The following PAH variants were observed in gnomAD, a reference collection of about 807,000 sequenced individuals.
PAH encodes phenylalanine hydroxylase, also known as phenylalanine-4-hydroxylase.
A neutral mutation model predicts 62.0 loss-of-function variants in PAH; 64 were observed. The ratio of observed to expected loss-of-function variants is 1.03; its 90% confidence interval spans 0.84 to 1.27. The LOEUF (loss-of-function observed/expected upper bound fraction) is 1.27. Among genes scored for constraint, PAH ranks in the 50% most tolerant of loss-of-function variants. The probability of loss-of-function intolerance (pLI) is 0.00; values close to 1 mark genes in which losing one functional copy is unlikely to be tolerated. For synonymous variants in PAH, 195 were observed against 196.2 expected, an observed-to-expected ratio of 0.99 and a Z score of 0.05; for missense variants, 579 against 542.8, an observed-to-expected ratio of 1.07 and a Z score of -0.66.
chr12:102,929,010 A>G (rs569680610), intron 1 of PAH, among the ~76,000 whole-genome samples: 2 of 152,314 alleles, frequency 1.3e-5, no homozygotes, highest in East Asian at 3.9e-4. Context: ...TCTCATGGTA[A>G]TAAATGAGTT....
At chr12:102,937,540 A>G (rs1234704852) in intron 1 of PAH, among the ~76,000 whole-genome samples, 10 of 152,188 alleles carry the variant, frequency 6.6e-5, no homozygotes, top group Non-Finnish European at 1.5e-4. Flanking sequence ...AGAGAAAACT[A>G]ATTTTAAAAC....
intron 5 of PAH, among the ~76,000 whole-genome samples, chr12:102,858,965 A>C (rs1875578759): frequency 6.6e-6 from 1 of 152,204 alleles, no homozygotes; most frequent in Admixed American, 6.5e-5. Flanking sequence ...GCAAGAAATA[A>C]CTGAGATCAG....
intron 2 of PAH, among the ~76,000 whole-genome samples, chr12:102,900,533 A>G (rs1036242740): frequency 1.3e-5 from 2 of 152,244 alleles, no homozygotes; most frequent in Admixed American, 1.3e-4. Context: ...TTACTTGGCA[A>G]AAGTCTTATA....
intron 5 of PAH, among the ~76,000 whole-genome samples, chr12:102,864,671 T>C (rs1223400451): frequency 6.6e-6 from 1 of 152,136 alleles, no homozygotes; most frequent in African/African-American, 2.4e-5. Flanking sequence ...GTTGGAGATA[T>C]ACACCTCAGT....
At chr12:102,949,461 G>A (rs1279626808) in intron 1 of PAH, among the ~76,000 whole-genome samples, 1 of 152,186 alleles carries the variant, frequency 6.6e-6, no homozygotes, top group Admixed American at 6.5e-5. Context: ...TCAGAGGGGA[G>A]GCATCTTACT....
upstream of PAH, among the ~76,000 whole-genome samples, chr12:102,920,378 G>A (rs1186152684): frequency 6.6e-6 from 1 of 152,186 alleles, no homozygotes; most frequent in Non-Finnish European, 1.5e-5. Flanking sequence ...GACCACTGAG[G>A]TATTTTTTAA....
At chr12:102,922,736 G>A (rs1032066282) in intron 1 of PAH, among the ~76,000 whole-genome samples, 8 of 152,200 alleles carry the variant, frequency 5.3e-5, no homozygotes, top group Non-Finnish European at 1.0e-4. Flanking sequence ...TGTGTAAGAA[G>A]ATAGCTATGT....
chr12:102,856,695 C>A (rs979384012), intron 5 of PAH, among the ~76,000 whole-genome samples: 10 of 152,236 alleles, frequency 6.6e-5, no homozygotes, highest in African/African-American at 2.4e-4. Flanking sequence ...TGTTCTGCAG[C>A]CTCCGCTGCT....
intron 1 of PAH, chr12:102,950,366 T>A (rs1593007847): frequency 6.6e-6 from 1 of 152,384 alleles, no homozygotes; most frequent in East Asian, 1.9e-4. Context: ...GCGCTCAGGC[T>A]GCGGCTGCTT....
At chr12:102,842,441 A>G (rs1280833742) in intron 11 of PAH, among the ~76,000 whole-genome samples, 1 of 152,210 alleles carries the variant, frequency 6.6e-6, no homozygotes, top group East Asian at 1.9e-4. Flanking sequence ...ACATAAATTA[A>G]GGAATATCCA....
intron 1 of PAH, among the ~76,000 whole-genome samples, chr12:102,947,775 A>C (rs1879562230): frequency 6.6e-6 from 1 of 152,214 alleles, no homozygotes; most frequent in Non-Finnish European, 1.5e-5. Flanking sequence ...ACCAGTAAGA[A>C]ATTAGATGTA....
chr12:102,952,903 C>A (rs149654063), upstream of PAH, among the ~76,000 whole-genome samples: 32 of 152,314 alleles, frequency 2.1e-4, no homozygotes, highest in African/African-American at 6.7e-4. Flanking sequence ...CTATTCTGCC[C>A]CCTGAGCAGG....
At chr12:102,875,936 TATAC>T (rs1876543303) in intron 4 of PAH, among the ~76,000 whole-genome samples, 5 of 62,346 alleles carry the variant, frequency 8.0e-5, no homozygotes, top group African/African-American at 2.8e-4. Flanking sequence ...CATATATATA[TATAC>T]ATATATATAT....
At chr12:102,846,793 T>C (rs1338627349) in intron 9 of PAH, 102 bp downstream of exon 9, 14 of 904,822 alleles carry the variant, frequency 1.5e-5, no homozygotes, top group East Asian at 2.4e-5. Context: ...CTGATTTTTT[T>C]CCCCAGATAA....
At chr12:102,842,875 C>A (rs1445405977) in intron 11 of PAH, among the ~76,000 whole-genome samples, 1 of 152,164 alleles carries the variant, frequency 6.6e-6, no homozygotes, top group Non-Finnish European at 1.5e-5. Context: ...TCATCCATCA[C>A]TGATAAGATT....
At chr12:102,858,135 A>G (rs1053536173) in intron 5 of PAH, among the ~76,000 whole-genome samples, 5 of 152,234 alleles carry the variant, frequency 3.3e-5, no homozygotes, top group African/African-American at 4.8e-5. Context: ...AGGAAGATCT[A>G]TCAAGCAAAT....
rs1319839370 is a variant in PAH, at chr12:102,844,863, T to C, written c.970-432A>G. Among the ~76,000 whole-genome samples, 11 of 152,152 alleles carry C rather than the reference T, an allele frequency of 7.2e-5. No individual in the cohort carries two copies. The South Asian group carries it at 2.3e-3, about 32-fold the overall frequency. On this transcript the variant is annotated intron_variant, in intron 9 of 12. Transcript: ENST00000553106. ...ATCAACTTCCATGGTTCTGAGGCTTTTGAACTTTGACTAATCTACGCCACT... is the reference window on the plus strand; with the variant it reads ...ATCAACTTCCATGGTTCTGAGGCTTCTGAACTTTGACTAATCTACGCCACT...
intron 2 of PAH, among the ~76,000 whole-genome samples, chr12:102,908,091 T>C (rs974030449): frequency 5.3e-5 from 8 of 152,144 alleles, no homozygotes; most frequent in African/African-American, 1.7e-4. Flanking sequence ...CTGTTTCCTC[T>C]TCTGTAAAAT....
chr12:102,856,386 C>G (rs1319915495), intron 5 of PAH, among the ~76,000 whole-genome samples: 1 of 152,228 alleles, frequency 6.6e-6, no homozygotes, highest in Non-Finnish European at 1.5e-5. Context: ...CTGCCTGCCT[C>G]TGTAGACTCC....
Sources: gnomAD v4.1 joint callset for allele counts (sites outside exome capture counted in the v4.1 genomes callset) on GRCh38, gnomAD v4.1.1 for gene constraint, MANE v1.5 for transcripts, NCBI Gene and HGNC (gene_info 2026-07-23, HGNC 2026-07-21) for gene names.